PRKCI: variants seen among roughly 807,000 people sequenced by gnomAD.
PRKCI encodes protein kinase C iota, also known as protein kinase C iota type.
Under a neutral mutation model 84.0 loss-of-function variants are expected in PRKCI, and 43 were observed. The ratio of observed to expected loss-of-function variants is 0.51; its 90% CI spans 0.40 to 0.66. PRKCI has a LOEUF of 0.66. Among genes scored for constraint, PRKCI ranks in the 30% least tolerant of loss-of-function variants. The pLI, the probability that PRKCI is intolerant of heterozygous loss-of-function variation, is 0.00. For missense variants in PRKCI, 459 were observed against 745.6 expected (o/e 0.62, Z 4.48); for synonymous variants, 216 against 234.4 (o/e 0.92, Z 0.72).
At chr3:170,268,735 A>G (rs9851249) in intron 5 of PRKCI, among the ~76,000 whole-genome samples, 7,047 of 152,092 alleles carry the variant, frequency 0.046, 529 homozygotes, top group African/African-American at 0.16. Context: ...ATATACATTG[A>G]TTCATTTCAT....
At chr3:170,289,910 TAAAAG>T (rs1734500636) in intron 12 of PRKCI, among the ~76,000 whole-genome samples, 2 of 149,286 alleles carry the variant, frequency 1.3e-5, no homozygotes, top group East Asian at 4.0e-4. Context: ...AACTCCATCT[TAAAAG>T]AAGAAAAAAA....
intron 6 of PRKCI, among the ~76,000 whole-genome samples, chr3:170,272,207 C>T (rs751553350): frequency 7.2e-5 from 11 of 152,178 alleles, no homozygotes; most frequent in South Asian, 2.1e-4. Flanking sequence ...TTAAAAGATA[C>T]GCATTTAAAA....
At chr3:170,284,920 C>A (rs1734335233) in intron 12 of PRKCI, among the ~76,000 whole-genome samples, 1 of 152,090 alleles carries the variant, frequency 6.6e-6, no homozygotes, top group African/African-American at 2.4e-5. Context: ...TTGCATATGA[C>A]CTTCCAATTT....
In PRKCI at chr3:170,248,287, T is replaced by C. The variant is rs1733342274; in HGVS notation, c.224-11682T>C. Among the ~76,000 whole-genome samples, 3 of 152,212 alleles carry C rather than the reference T, an allele frequency of 2.0e-5. No homozygotes were observed. The South Asian group carries it at 6.2e-4, about 31-fold the overall frequency. ...GGATTGTGAATATTTACCTAACTTT[T>C]TGAGGTCTAATGCCCTAATTTGCTG... On this transcript the variant is annotated intron_variant, in intron 2 of 17. Transcript: ENST00000295797.
intron 3 of PRKCI, among the ~76,000 whole-genome samples, chr3:170,262,898 C>T (rs1396577348): frequency 6.7e-6 from 1 of 148,430 alleles, no homozygotes; most frequent in Non-Finnish European, 1.5e-5. Flanking sequence ...TGGCCGGGCG[C>T]GGTGACTCAC....
intron 13 of PRKCI, among the ~76,000 whole-genome samples, chr3:170,292,145 G>A (rs1461626461): frequency 6.6e-6 from 1 of 152,162 alleles, no homozygotes; most frequent in Non-Finnish European, 1.5e-5. Flanking sequence ...GTACCAAGCT[G>A]AATAATATTT....
At chr3:170,237,387 G>T (rs989596203) in intron 2 of PRKCI, among the ~76,000 whole-genome samples, 1 of 152,078 alleles carries the variant, frequency 6.6e-6, no homozygotes, top group African/African-American at 2.4e-5. Flanking sequence ...CTAAAGAAAG[G>T]GTGGGTTGGG....
intron 1 of PRKCI, 84 bp from the exon 2 acceptor site, chr3:170,235,146 C>T: frequency 7.3e-7 from 1 of 1,371,668 alleles, no homozygotes; most frequent in Non-Finnish European, 1.0e-6. Flanking sequence ...TACTGAAGTT[C>T]ATCAAATTGT....
intron 2 of PRKCI, among the ~76,000 whole-genome samples, chr3:170,249,092 C>A (rs1733368532): frequency 6.6e-6 from 1 of 152,062 alleles, no homozygotes; most frequent in Non-Finnish European, 1.5e-5. Flanking sequence ...TCGTGATCTG[C>A]CCACCTCGGT....
intron 2 of PRKCI, among the ~76,000 whole-genome samples, chr3:170,251,056 A>G (rs1284261419): frequency 3.9e-5 from 6 of 152,248 alleles, no homozygotes; most frequent in Non-Finnish European, 8.8e-5. Flanking sequence ...AAAATATTTA[A>G]TCCACAGTAG....
chr3:170,282,747 T>C (rs1560182177), intron 11 of PRKCI, among the ~76,000 whole-genome samples: 1 of 151,676 alleles, frequency 6.6e-6, no homozygotes, highest in Non-Finnish European at 1.5e-5. Context: ...TTCTGACTGT[T>C]CTTCCTGTGA....
chr3:170,235,566 C>CTTTTTTTTTTTTTTTTT (rs199938459), intron 2 of PRKCI, among the ~76,000 whole-genome samples: 15 of 136,238 alleles, frequency 1.1e-4, no homozygotes, highest in East Asian at 2.2e-4. Context: ...ATTAACTTGA[C>CTTTTTTTTTTTTTTTTT]TTTTTTTTTT....
chr3:170,222,621 C>G lies in PRKCI; in HGVS notation c.-49C>G, dbSNP rs1299372677. 3 of 1,477,428 alleles carry G rather than the reference C, an allele frequency of 2.0e-6. No homozygotes were observed. Among genetic ancestry groups the G allele is most frequent in the South Asian group, 1.3e-5 (1 of 78,198 alleles). 91.5% of individuals were successfully genotyped at this position (1,477,428 alleles called of 1,614,324 possible). Reference sequence around the variant, plus strand: ...GCGGAGTCCCCCACGGCGCCCGAAGCGCCCCCCCGCACCCCCGGCCTCCAG... The same window carrying G: ...GCGGAGTCCCCCACGGCGCCCGAAGGGCCCCCCCGCACCCCCGGCCTCCAG... On this transcript the variant is annotated 5_prime_UTR_variant, in exon 1 of 18. Transcript: ENST00000295797.
intron 13 of PRKCI, 70 bp downstream of exon 13, chr3:170,292,011 T>C (rs552843082): frequency 5.7e-6 from 6 of 1,049,118 alleles, no homozygotes; most frequent in Non-Finnish European, 8.9e-6. Context: ...ACCAATTGCA[T>C]TACAGTACAC....
In PRKCI at chr3:170,235,032, A is replaced by G. The variant is rs1577341067; in HGVS notation, c.102-198A>G. Reference sequence around the variant, plus strand: ...TGGGCTAAAGTGATCTGCCCAGCTCAGCCTCCCAAAGTGCATGAGCCACCG... The same window carrying G: ...TGGGCTAAAGTGATCTGCCCAGCTCGGCCTCCCAAAGTGCATGAGCCACCG... On this transcript the variant is annotated intron_variant, in intron 1 of 17. Transcript: ENST00000295797. Among the ~76,000 whole-genome samples the G allele has an allele frequency of 3.9e-5, 6 of 152,132 alleles. No individual in the cohort carries two copies. The South Asian group carries it at 1.2e-3, about 32-fold the overall frequency.
At chr3:170,292,232 A>C (rs1293826322) in intron 13 of PRKCI, among the ~76,000 whole-genome samples, 1 of 152,156 alleles carries the variant, frequency 6.6e-6, no homozygotes, top group Non-Finnish European at 1.5e-5. Flanking sequence ...AATCCTCTTA[A>C]CAACCCTGTG....
chr3:170,260,269 G>C (rs1180715643), intron 3 of PRKCI, among the ~76,000 whole-genome samples: 1 of 152,100 alleles, frequency 6.6e-6, no homozygotes, highest in Non-Finnish European at 1.5e-5. Context: ...TGTGGTCTCT[G>C]TATGTCTTGT....
At chr3:170,234,541 A>G (rs1225968879) in intron 1 of PRKCI, among the ~76,000 whole-genome samples, 1 of 152,164 alleles carries the variant, frequency 6.6e-6, no homozygotes, top group Non-Finnish European at 1.5e-5. Context: ...CCTCTTATTC[A>G]AGAAAGATAA....
At chr3:170,295,329 C>A (rs1332123422) in intron 14 of PRKCI, among the ~76,000 whole-genome samples, 1 of 151,900 alleles carries the variant, frequency 6.6e-6, no homozygotes, top group Non-Finnish European at 1.5e-5. Context: ...TCAAGACCAG[C>A]TTGAGCAATA....
Sources: gnomAD v4.1 joint callset for allele counts (sites outside exome capture counted in the v4.1 genomes callset) on GRCh38, gnomAD v4.1.1 for gene constraint, MANE v1.5 for transcripts, NCBI Gene and HGNC (gene_info 2026-07-23, HGNC 2026-07-21) for gene names.